MYO1H: variants seen among roughly 807,000 people sequenced by gnomAD.
The protein encoded by MYO1H is unconventional myosin-Ih.
MYO1H carries 118 observed loss-of-function variants against 149.3 expected under a neutral mutation model. That is an observed-to-expected ratio of 0.79 (90% confidence interval 0.68 to 0.92). The LOEUF (loss-of-function observed/expected upper bound fraction) is 0.92. Among genes scored for constraint, MYO1H ranks in the 40% least tolerant of loss-of-function variants. The pLI, the probability that MYO1H is intolerant of heterozygous loss-of-function variation, is 0.00. For synonymous variants in MYO1H, 447 were observed against 465.2 expected (o/e 0.96, Z 0.50); for missense variants, 1,212 against 1,280.7 (o/e 0.95, Z 0.82).
Position 109,418,704 on chromosome 12 carries a change from C to T in MYO1H, c.1598-2277C>T, listed in dbSNP as rs1014903014. 4.5e-5 allele frequency among the ~76,000 whole-genome samples: 5 copies of T among 110,004 alleles called. No individual in the cohort carries two copies. The East Asian group carries it at 8.1e-4, about 18-fold the overall frequency. The allele number at this position is 110,004 out of a possible 152,430, so 72.2% of individuals were successfully genotyped here. ...GCTGGGACTACAGGCACCCCACGCC[C>T]GGCTAGTTTTTTGTATTTTTTAGTA... On this transcript the variant is annotated intron_variant, in intron 15 of 31. Coordinates refer to ENST00000310903, the Ensembl canonical transcript of MYO1H.
At chr12:109,383,417 G>T (rs184332244) in intron 1 of MYO1H, among the ~76,000 whole-genome samples, 3 of 152,280 alleles carry the variant, frequency 2.0e-5, no homozygotes, top group Admixed American at 2.0e-4. Flanking sequence ...TATTAGTCAG[G>T]ATAAGCAGTC....
the MYO1H span, among the ~76,000 whole-genome samples, chr12:109,342,585 C>A: frequency 7.1e-6 from 1 of 140,910 alleles, no homozygotes; most frequent in Non-Finnish European, 1.5e-5. Flanking sequence ...CTCTGTCACA[C>A]AGGCTGGAGT....
intron 1 of MYO1H, among the ~76,000 whole-genome samples, chr12:109,382,930 T>C (rs1354510856): frequency 1.3e-5 from 2 of 148,996 alleles, no homozygotes; most frequent in Non-Finnish European, 3.0e-5. Context: ...AAAATAAATA[T>C]AAAGAAAAGA....
At chr12:109,408,385 G>A (rs1291121212) in intron 10 of MYO1H, among the ~76,000 whole-genome samples, 1 of 152,080 alleles carries the variant, frequency 6.6e-6, no homozygotes, top group African/African-American at 2.4e-5. Context: ...ATGTTGTCCA[G>A]GCTGGTCTCA....
At chr12:109,378,368 T>A (rs1206374696) in intron 1 of MYO1H, among the ~76,000 whole-genome samples, 1 of 152,096 alleles carries the variant, frequency 6.6e-6, no homozygotes, top group Non-Finnish European at 1.5e-5. Flanking sequence ...TTGCCCAGGC[T>A]GGAGTCCAGT....
intron 3 of MYO1H, among the ~76,000 whole-genome samples, chr12:109,393,655 C>T (rs532847001): frequency 3.1e-4 from 47 of 152,136 alleles, no homozygotes; most frequent in Non-Finnish European, 5.9e-4. Flanking sequence ...GCCTATCCAT[C>T]CATCCATTTA....
the MYO1H span, among the ~76,000 whole-genome samples, chr12:109,318,967 G>GTCTTTTTTTTTTTTTTTTTTTT: frequency 1.3e-5 from 1 of 79,596 alleles, no homozygotes; most frequent in Non-Finnish European, 2.2e-5. Flanking sequence ...TGCGTTTTTG[G>GTCTTTTTTTTTTTTTTTTTTTT]TTTTGTTTTT....
At chr12:109,370,735 T>A (rs1458559527) in intron 1 of MYO1H, among the ~76,000 whole-genome samples, 1 of 152,248 alleles carries the variant, frequency 6.6e-6, no homozygotes, top group Non-Finnish European at 1.5e-5. Flanking sequence ...CCTCTTTGAA[T>A]TCTCTAGATT....
At chr12:109,374,672 A>G (rs1029317196) in intron 1 of MYO1H, among the ~76,000 whole-genome samples, 1 of 152,112 alleles carries the variant, frequency 6.6e-6, no homozygotes, top group Non-Finnish European at 1.5e-5. Flanking sequence ...TCTGGGCTAT[A>G]CTAAATTGTT....
the MYO1H span, among the ~76,000 whole-genome samples, chr12:109,331,014 AC>A: frequency 6.6e-6 from 1 of 152,230 alleles, no homozygotes; most frequent in African/African-American, 2.4e-5. Flanking sequence ...AGTATCATTT[AC>A]ATACTGCTTT....
rs1872138560 is a variant in MYO1H at position 109,441,712 on chromosome 12, A to C, written c.2632+4A>C. ...CCCTTTGTCAACAGTCGGATAGGTA[A>C]GTACATTTTCCAGCCTATGTACTTG... On this transcript the variant is annotated splice_donor_region_variant and intron_variant, in intron 26 of 31. Transcript: ENST00000310903. The C allele has an allele frequency of 6.2e-6, 10 of 1,603,322 alleles. No homozygotes were observed. The highest frequency in any genetic ancestry group is 1.7e-4 in the Middle Eastern group (1 of 6,046).
chr12:109,394,173 A>G (rs1025969040), intron 3 of MYO1H, among the ~76,000 whole-genome samples: 1 of 152,260 alleles, frequency 6.6e-6, no homozygotes, highest in African/African-American at 2.4e-5. Flanking sequence ...TAATACTATA[A>G]GCTGACAGGG....
At chr12:109,334,898 T>A in the MYO1H span, among the ~76,000 whole-genome samples, 2 of 152,198 alleles carry the variant, frequency 1.3e-5, no homozygotes, top group Non-Finnish European at 2.9e-5. Context: ...AGAACATTTC[T>A]CTTCCCCCAA....
intron 1 of MYO1H, among the ~76,000 whole-genome samples, chr12:109,351,258 C>T (rs1868455130): frequency 6.6e-6 from 1 of 152,096 alleles, no homozygotes; most frequent in Non-Finnish European, 1.5e-5. Flanking sequence ...TTAAACCTGG[C>T]CAGGATGTTT....
upstream of MYO1H, chr12:109,347,778 G>T (rs1868365855): frequency 5.1e-6 from 2 of 391,324 alleles, no homozygotes; most frequent in Non-Finnish European, 9.0e-6. Context: ...CATGTAGACG[G>T]CCATAAGATG....
At chr12:109,387,153 A>C (rs1314292956) in intron 1 of MYO1H, among the ~76,000 whole-genome samples, 1 of 151,330 alleles carries the variant, frequency 6.6e-6, no homozygotes, top group Non-Finnish European at 1.5e-5. Flanking sequence ...CTGGTCTCCA[A>C]CTCCTGGCTT....
the MYO1H span, among the ~76,000 whole-genome samples, chr12:109,339,610 A>G: frequency 6.6e-6 from 1 of 152,224 alleles, no homozygotes; most frequent in South Asian, 2.1e-4. Context: ...CAAACGACTA[A>G]TTGCCTTAAG....
chr12:109,382,007 C>T (rs1336589360), intron 1 of MYO1H, among the ~76,000 whole-genome samples: 1 of 152,112 alleles, frequency 6.6e-6, no homozygotes, highest in East Asian at 1.9e-4. Flanking sequence ...CACAGGGCAA[C>T]CAAACAGTTA....
the MYO1H span, among the ~76,000 whole-genome samples, chr12:109,330,532 G>C: frequency 1.3e-5 from 2 of 152,124 alleles, no homozygotes; most frequent in South Asian, 2.1e-4. Context: ...TCGTAAGCTT[G>C]AGTGACCCAT....
Sources: gnomAD v4.1 joint callset for allele counts (sites outside exome capture counted in the v4.1 genomes callset) on GRCh38, gnomAD v4.1.1 for gene constraint, MANE v1.5 for transcripts, NCBI Gene and HGNC (gene_info 2026-07-23, HGNC 2026-07-21) for gene names.